ZNF680: variants seen among roughly 807,000 people sequenced by gnomAD.
The protein encoded by ZNF680 is hypothetical protein FLJ90430.
Under a neutral mutation model 12.1 loss-of-function variants are expected in ZNF680, and 6 were observed. The ratio of observed to expected loss-of-function variants is 0.49; its 90% confidence interval spans 0.27 to 0.98. ZNF680 has a LOEUF of 0.98. Among genes scored for constraint, ZNF680 ranks in the 50% least tolerant of loss-of-function variants. The probability of loss-of-function intolerance (pLI) is 0.12; values close to 1 mark genes in which losing one functional copy is unlikely to be tolerated. For synonymous variants in ZNF680, 170 were observed against 199.3 expected (o/e 0.85, Z 1.24); for missense variants, 561 against 616.3 (o/e 0.91, Z 0.95).
chr7:64,552,917 G>A (rs192912221), intron 1 of ZNF680, among the ~76,000 whole-genome samples: 1 of 152,190 alleles, frequency 6.6e-6, no homozygotes, highest in Non-Finnish European at 1.5e-5. Context: ...CCTGAGGTCA[G>A]GAGTTCAAGA....
At chr7:64,540,323 G>A (rs911818000) in intron 3 of ZNF680, among the ~76,000 whole-genome samples, 61 of 79,822 alleles carry the variant, frequency 7.6e-4, no homozygotes, top group African/African-American at 3.4e-3. Context: ...TTTTTTTTTT[G>A]AGATGGAGGC....
rs1451210683 is a variant in ZNF680, at chr7:64,539,372, AAAAG to A, written c.253+4331_253+4334del. Among the ~76,000 whole-genome samples, 52 of 57,360 alleles carry A rather than the reference AAAAG, an allele frequency of 9.1e-4. 1 individual carries two copies. The highest frequency in any genetic ancestry group is 3.6e-3 in the African/African-American group (43 of 11,908). 37.6% of individuals were successfully genotyped at this position (57,360 alleles called of 152,430 possible). On this transcript the variant is annotated intron_variant, in intron 3 of 3. Transcript: ENST00000309683. ...GTCTCAAAAAAAAAAAAAAAAAAAA[AAAAG>A]AAAAGAAAATCTTGTCCCATTTTAT...
At position 64,540,126 on chromosome 7, in the gene ZNF680, A is replaced by T. The variant is rs34434757; in HGVS notation, c.253+3581T>A. On this transcript the variant is annotated intron_variant, in intron 3 of 3. Coordinates refer to ENST00000309683, the MANE Select transcript of ZNF680 (RefSeq NM_178558.5). Reference sequence around the variant, plus strand: ...GAAATATATATTCATCATTAAACACATGGTGAAAAGAAGGCGATTTCCATG... The same window carrying T: ...GAAATATATATTCATCATTAAACACTTGGTGAAAAGAAGGCGATTTCCATG... 9.2e-3 allele frequency among the ~76,000 whole-genome samples: 1,406 copies of T among 152,288 alleles called. 10 individuals carry two copies. The highest frequency in any genetic ancestry group is 0.012 in the Admixed American group (187 of 15,292).
At chr7:64,506,355 A>C in the ZNF680 span, among the ~76,000 whole-genome samples, 7 of 151,764 alleles carry the variant, frequency 4.6e-5, no homozygotes, top group South Asian at 1.5e-3. Context: ...GTGCCCAGCT[A>C]TTTTTCGTAT....
intron 1 of ZNF680, among the ~76,000 whole-genome samples, chr7:64,546,857 C>G (rs1045678992): frequency 5.3e-5 from 8 of 152,168 alleles, no homozygotes; most frequent in Non-Finnish European, 8.8e-5. Flanking sequence ...CTACCAAACC[C>G]GAACAGAACA....
intron 3 of ZNF680, among the ~76,000 whole-genome samples, chr7:64,528,455 C>T (rs753286148): frequency 7.2e-5 from 11 of 152,140 alleles, no homozygotes; most frequent in African/African-American, 1.2e-4. Flanking sequence ...TTGCTAACTG[C>T]GTGAAAACAG....
chr7:64,526,560 TA>T (rs563893028), intron 3 of ZNF680: 31,245 of 327,854 alleles, frequency 0.095, 1 homozygote, highest in Middle Eastern at 0.13. Context: ...GTCCATTATT[TA>T]AAAAAAAAAA....
At chr7:64,515,605 A>C (rs993346538), downstream of ZNF680, among the ~76,000 whole-genome samples, 10 of 152,324 alleles carry the variant, frequency 6.6e-5, no homozygotes, top group African/African-American at 2.2e-4. Context: ...CAATAAAAAA[A>C]CAGGCACAAA....
At chr7:64,557,999 C>T (rs752541851) in intron 1 of ZNF680, among the ~76,000 whole-genome samples, 1 of 152,202 alleles carries the variant, frequency 6.6e-6, no homozygotes, top group East Asian at 1.9e-4. Flanking sequence ...TACCCCCAAC[C>T]CTGAAACAAA....
At chr7:64,501,661 A>T in the ZNF680 span, 2 of 992,834 alleles carry the variant, frequency 2.0e-6, no homozygotes, top group South Asian at 1.3e-5. Context: ...GGAGTTGACC[A>T]AGGATGAAAA....
chr7:64,535,800 CA>C (rs1484174796), intron 3 of ZNF680, among the ~76,000 whole-genome samples: 1 of 151,904 alleles, frequency 6.6e-6, no homozygotes, highest in Non-Finnish European at 1.5e-5. Flanking sequence ...AAAAAGTAGC[CA>C]GGCATCGTAG....
chr7:64,524,230 C>G (rs1791710710), intron 3 of ZNF680, among the ~76,000 whole-genome samples: 1 of 151,386 alleles, frequency 6.6e-6, no homozygotes, highest in South Asian at 2.1e-4. Flanking sequence ...TCACTGCAAC[C>G]TCTGCCTTCC....
intron 3 of ZNF680, among the ~76,000 whole-genome samples, chr7:64,541,221 G>GT (rs1441971193): frequency 6.6e-6 from 1 of 151,974 alleles, no homozygotes; most frequent in African/African-American, 2.4e-5. Flanking sequence ...AAATTTATAA[G>GT]TAACATCAAC....
At chr7:64,534,184 G>C (rs1334075437) in intron 3 of ZNF680, among the ~76,000 whole-genome samples, 1 of 152,116 alleles carries the variant, frequency 6.6e-6, no homozygotes, top group African/African-American at 2.4e-5. Context: ...TTAAACAAAA[G>C]AGCTTTTGCA....
At chr7:64,516,518 G>A (rs1048712671), downstream of ZNF680, among the ~76,000 whole-genome samples, 16 of 152,126 alleles carry the variant, frequency 1.1e-4, no homozygotes, top group African/African-American at 3.9e-4. Flanking sequence ...CATAATAATA[G>A]TGGGGGACTT....
At chr7:64,502,448 C>G in the ZNF680 span, among the ~76,000 whole-genome samples, 1 of 152,128 alleles carries the variant, frequency 6.6e-6, no homozygotes, top group Admixed American at 6.5e-5. Flanking sequence ...CTAAAAGCAG[C>G]TGAGTTAGAA....
chr7:64,539,377 A>AAG (rs1335061700), intron 3 of ZNF680, among the ~76,000 whole-genome samples: 79 of 88,928 alleles, frequency 8.9e-4, no homozygotes, highest in African/African-American at 3.2e-3. Flanking sequence ...AAAAAAAAAG[A>AAG]AAAGAAAATC....
At chr7:64,508,142 T>TATATATATATATATATATATATACAC in the ZNF680 span, among the ~76,000 whole-genome samples, 4 of 112,218 alleles carry the variant, frequency 3.6e-5, no homozygotes, top group East Asian at 1.2e-3. Flanking sequence ...TATATATATA[T>TATATATATATATATATATATATACAC]ACATAATTTT....
intron 3 of ZNF680, among the ~76,000 whole-genome samples, chr7:64,529,327 T>G (rs1387056804): frequency 6.6e-6 from 1 of 152,092 alleles, no homozygotes; most frequent in Non-Finnish European, 1.5e-5. Flanking sequence ...CTGTTTTACC[T>G]GAAAAAGAAT....
Sources: gnomAD v4.1 joint callset for allele counts (sites outside exome capture counted in the v4.1 genomes callset) on GRCh38, gnomAD v4.1.1 for gene constraint, MANE v1.5 for transcripts, NCBI Gene and HGNC (gene_info 2026-07-23, HGNC 2026-07-21) for gene names.